CHL1: variants seen among roughly 807,000 people sequenced by gnomAD.
CHL1 encodes the protein neural cell adhesion molecule L1-like protein.
A neutral mutation model predicts 141.9 loss-of-function variants in CHL1; 96 were observed. That is an observed-to-expected ratio of 0.68 (90% confidence interval 0.57 to 0.80). The LOEUF is 0.80. Among genes scored for constraint, CHL1 ranks in the 30% least tolerant of loss-of-function variants. The pLI is 0.00. For synonymous variants in CHL1, 613 were observed against 502.2 expected (o/e 1.22, Z -2.95); for missense variants, 1,820 against 1,457.2 (o/e 1.25, Z -4.05).
chr3:244,862 T>G lies in CHL1; in HGVS notation c.-95+170T>G, dbSNP rs533355918. ...GACCAGATATATCATATAGTGAAGG[T>G]TTTTTTTGTTTTTTGAGTTCCATTA... is the stretch of plus-strand genomic sequence containing the variant. On this transcript the variant is annotated intron_variant, in intron 2 of 27. Coordinates refer to ENST00000256509, the MANE Select transcript of CHL1 (RefSeq NM_006614.4). 1.1e-4 allele frequency among the ~76,000 whole-genome samples: 16 copies of G among 151,554 alleles called. No homozygotes were observed. The East Asian group carries it at 2.1e-3, about 20-fold the overall frequency.
chr3:240,369 T>C (rs456274), intron 1 of CHL1, among the ~76,000 whole-genome samples: 3 of 152,156 alleles, frequency 2.0e-5, no homozygotes, highest in Non-Finnish European at 4.4e-5. Flanking sequence ...ATTTTTTTTC[T>C]TATGTTTGTT....
At chr3:313,843 T>C (rs746222606) in intron 2 of CHL1, among the ~76,000 whole-genome samples, 1 of 152,162 alleles carries the variant, frequency 6.6e-6, no homozygotes, top group Non-Finnish European at 1.5e-5. Context: ...GCATCATGTA[T>C]ACTAACAGCT....
chr3:261,755 A>C (rs1370500441), intron 2 of CHL1, among the ~76,000 whole-genome samples: 1 of 152,176 alleles, frequency 6.6e-6, no homozygotes, highest in African/African-American at 2.4e-5. Flanking sequence ...AGTATTTATA[A>C]AGAGAAATAA....
rs747923690 is a variant in CHL1, at chr3:390,688, C to T, written c.2471-13C>T. The stretch of plus-strand genomic sequence containing the variant: ...AGGTTATTGAAAACTAATCAATCTT[C>T]TATGATTAACAGATCCTGATACAGC... On this transcript the variant is annotated splice_polypyrimidine_tract_variant and intron_variant, in intron 20 of 27. Transcript: ENST00000256509. The T allele has an allele frequency of 1.1e-5, 15 of 1,421,042 alleles. No individual in the cohort carries two copies. The South Asian group carries it at 1.6e-4, about 16-fold the overall frequency. 88.0% of individuals were successfully genotyped at this position (1,421,042 alleles called of 1,614,324 possible).
rs748802655 is a variant in CHL1 at position 405,557 on chromosome 3, C to T, written c.3521C>T (p.Thr1174Ile). ...TCCCTTAATAGGGATATGCAGCCTA[C>T]TGAAAGTGCTGACAGCTTAGTCGAA... ...LRSLNRDMQP[T>I]ESADSLVEYG... The change falls in exon 28 of 28, where the codon ACT becomes ATT. Residue 1174 changes from threonine (T) to isoleucine (I), a missense_variant. By Grantham distance (89) the Thr-to-Ile change is moderately conservative. Coordinates refer to ENST00000256509, the MANE Select transcript of CHL1 (RefSeq NM_006614.4). 3 of 1,613,464 alleles carry T rather than the reference C, an allele frequency of 1.9e-6. No homozygotes were observed. Among genetic ancestry groups the T allele is most frequent in the Admixed American group, 1.7e-5 (1 of 59,978 alleles).
intron 1 of CHL1, among the ~76,000 whole-genome samples, chr3:243,127 G>A (rs1173183215): frequency 2.0e-5 from 3 of 152,176 alleles, no homozygotes; most frequent in African/African-American, 7.2e-5. Flanking sequence ...GAACATTCTA[G>A]ATTAAGTCAT....
At chr3:384,393 G>T (rs1373624773) in intron 19 of CHL1, 1 of 152,176 alleles carries the variant, frequency 6.6e-6, no homozygotes, top group African/African-American at 2.4e-5. Flanking sequence ...TGGCATCCAG[G>T]ATTATGAATG....
At position 405,957 on chromosome 3, in the gene CHL1, C is replaced by G; in HGVS notation, c.*246C>G. ...CAAAATGCAAAACACAAAACAAATC[C>G]TGCATTTAGATACACCTCAACTAAA... On this transcript the variant is annotated 3_prime_UTR_variant, in exon 28 of 28. Coordinates refer to ENST00000256509, the MANE Select transcript of CHL1 (RefSeq NM_006614.4). 1 of 418,148 alleles carries G rather than the reference C, an allele frequency of 2.4e-6. No homozygotes were observed. Among genetic ancestry groups the G allele is most frequent in the Non-Finnish European group, 4.4e-6 (1 of 227,026 alleles). The allele number at this position is 418,148 out of a possible 1,614,324, so 25.9% of individuals were successfully genotyped here.
intron 26 of CHL1, among the ~76,000 whole-genome samples, chr3:399,723 C>T (rs569351311): frequency 1.3e-4 from 20 of 152,298 alleles, no homozygotes; most frequent in Admixed American, 3.3e-4. Flanking sequence ...AAAATATCAG[C>T]GTCGTTGAGA....
In CHL1 at chr3:349,358, G is replaced by A; in HGVS notation, c.849-1G>A. Reference sequence around the variant, plus strand: ...TTTATTTATTTAACTATTTTTTGCAGGCCAACTCCACAGGTTGATTGGAAC... The same window carrying A: ...TTTATTTATTTAACTATTTTTTGCAAGCCAACTCCACAGGTTGATTGGAAC... On this transcript the variant is annotated splice_acceptor_variant, in intron 9 of 27. Transcript: ENST00000256509. LOFTEE classifies it high-confidence loss of function. The A allele has an allele frequency of 6.2e-7, 1 of 1,608,870 alleles. No homozygotes were observed. Among genetic ancestry groups the A allele is most frequent in the Non-Finnish European group, 8.5e-7 (1 of 1,178,330 alleles).
rs1017425824 is a variant in CHL1, at chr3:382,234, T to C, written c.1932T>C (p.Val644=). The change falls in exon 17 of 28, where the codon GTT becomes GTC. Residue 644 remains valine, a synonymous_variant. Transcript: ENST00000256509. ...TGTCTGAAAGACAGAACAGGAGTGT[T>C]CGGCTGACCTGGGAAGCTGGAGCTG... ...LHLSERQNRS[V]RLTWEAGADH... The C allele has an allele frequency of 1.9e-6, 3 of 1,613,716 alleles. No homozygotes were observed. The highest frequency in any genetic ancestry group is 2.7e-5 in the African/African-American group (2 of 74,896).
At chr3:382,992 T>C (rs149469385) in intron 18 of CHL1, among the ~76,000 whole-genome samples, 2 of 152,232 alleles carry the variant, frequency 1.3e-5, no homozygotes, top group African/African-American at 4.8e-5. Context: ...TGTATGCATC[T>C]AACATTATTA....
At chr3:237,998 A>AC (rs1241216697) in intron 1 of CHL1, among the ~76,000 whole-genome samples, 1 of 152,164 alleles carries the variant, frequency 6.6e-6, no homozygotes, top group Non-Finnish European at 1.5e-5. Flanking sequence ...AACATTAACA[A>AC]AGTATCGTAT....
At chr3:290,077 C>T (rs1176012939) in intron 2 of CHL1, among the ~76,000 whole-genome samples, 2 of 151,794 alleles carry the variant, frequency 1.3e-5, no homozygotes, top group African/African-American at 4.8e-5. Flanking sequence ...CTCTGTAAGG[C>T]ATGTTATAGC....
At chr3:202,588 C>T (rs749457123) in intron 1 of CHL1, among the ~76,000 whole-genome samples, 1 of 152,078 alleles carries the variant, frequency 6.6e-6, no homozygotes, top group South Asian at 2.1e-4. Flanking sequence ...ACTTCTAGTG[C>T]GATTCTAACA....
chr3:319,766 C>G lies in CHL1; in HGVS notation c.-11C>G, dbSNP rs1221497827. 6.3e-7 allele frequency: 1 copy of G among 1,578,498 alleles called. No homozygotes were observed. The highest frequency in any genetic ancestry group is 2.2e-5 in the East Asian group (1 of 44,510). ...TTCATTCTTACCGGGTTGTCTTCTT[C>G]CTGAAGAGCAATGGAGCCGCTTTTA... is the stretch of plus-strand genomic sequence containing the variant. On this transcript the variant is annotated 5_prime_UTR_variant, in exon 3 of 28. Coordinates refer to ENST00000256509, the MANE Select transcript of CHL1 (RefSeq NM_006614.4).
chr3:404,225 T>C (rs1709359956), intron 27 of CHL1, among the ~76,000 whole-genome samples: 1 of 152,196 alleles, frequency 6.6e-6, no homozygotes, highest in Admixed American at 6.5e-5. Context: ...TTGCTCACTT[T>C]TTTTTTAAAC....
At chr3:227,766 T>C (rs1179189690) in intron 1 of CHL1, among the ~76,000 whole-genome samples, 3 of 152,212 alleles carry the variant, frequency 2.0e-5, no homozygotes, top group African/African-American at 7.2e-5. Flanking sequence ...CTTCTTCACA[T>C]CTTTCTACTC....
chr3:304,894 C>G (rs1699093286), intron 2 of CHL1, among the ~76,000 whole-genome samples: 1 of 152,024 alleles, frequency 6.6e-6, no homozygotes, highest in African/African-American at 2.4e-5. Flanking sequence ...ATAAATTTCC[C>G]TCTAAACACT....
Sources: allele counts gnomAD v4.1 joint callset (sites outside exome capture counted in the v4.1 genomes callset), GRCh38; gene constraint gnomAD v4.1.1; transcripts MANE v1.5; gene names NCBI Gene and HGNC (gene_info 2026-07-23, HGNC 2026-07-21).